MRTO4: variants seen among roughly 807,000 people sequenced by gnomAD.
The protein encoded by MRTO4 is MRT4 homolog, ribosome maturation factor.
MRTO4 carries 7 observed loss-of-function variants against 28.6 expected under a neutral mutation model. The ratio of observed to expected loss-of-function variants is 0.24; its 90% CI spans 0.14 to 0.46. The LOEUF (loss-of-function observed/expected upper bound fraction) is 0.46, where lower values mean the gene tolerates loss of function less well. Among genes scored for constraint, MRTO4 ranks in the 20% least tolerant of loss-of-function variants. The pLI is 0.99. For synonymous variants in MRTO4, 113 were observed against 108.2 expected (o/e 1.04, Z -0.27); for missense variants, 302 against 298.3 (o/e 1.01, Z -0.09).
chr1:19,257,181 A>G (rs750257716), intron 4 of MRTO4, 36 bp downstream of exon 4: 10 of 1,601,304 alleles, frequency 6.2e-6, no homozygotes, highest in Admixed American at 1.7e-5. Flanking sequence ...GAGCTAAGGC[A>G]AAGCCGCCCT....
Position 19,258,976 on chromosome 1 carries a change from C to A in MRTO4, c.*146C>A. On this transcript the variant is annotated 3_prime_UTR_variant, in exon 8 of 8. Transcript: ENST00000330263. ...CACTGACCTCCTGTAAAGAATAAAA[C>A]TGTGGGCCGGGCGCGGTGGCTCACG... 2 of 1,089,170 alleles carry A rather than the reference C, an allele frequency of 1.8e-6. No individual in the cohort carries two copies. Among genetic ancestry groups the A allele is most frequent in the Non-Finnish European group, 2.5e-6 (2 of 786,884 alleles). 67.5% of individuals were successfully genotyped at this position (1,089,170 alleles called of 1,614,324 possible). A position where few individuals can be genotyped will look rare whatever the true frequency, so the allele number is the denominator to read the frequency against.
intron 2 of MRTO4, among the ~76,000 whole-genome samples, chr1:19,255,175 A>C (rs2093669543): frequency 6.6e-6 from 1 of 152,064 alleles, no homozygotes; most frequent in Admixed American, 6.6e-5. Context: ...TGAAGCTTAC[A>C]GAGATTTGTT....
intron 4 of MRTO4, 32 bp from the exon 5 acceptor site, chr1:19,257,422 G>C (rs2093673099): frequency 6.2e-7 from 1 of 1,613,552 alleles, no homozygotes; most frequent in Admixed American, 1.7e-5. Flanking sequence ...CTGCTCTAAT[G>C]TGACCAAGCT....
At position 19,258,582 on chromosome 1, in the gene MRTO4, GGGCGGGGTTGCT is replaced by G. The variant is rs756821992; in HGVS notation, c.570+33_570+44del. Reference sequence around the variant, plus strand: ...AGTCTGGCGCCTTGCGGGCTGTTGCGGGCGGGGTTGCTGGCTTTCCTCTGCCTGCTGAAAATG... The same window carrying G: ...AGTCTGGCGCCTTGCGGGCTGTTGCGGGCTTTCCTCTGCCTGCTGAAAATG... On this transcript the variant is annotated intron_variant, in intron 7 of 7. Transcript: ENST00000330263. 55 of 1,613,828 alleles carry G rather than the reference GGGCGGGGTTGCT, an allele frequency of 3.4e-5. 1 individual carries two copies. The South Asian group carries it at 5.5e-4, about 16-fold the overall frequency.
rs767770233 is a variant in MRTO4, at chr1:19,255,911, G to T, written c.88-37G>T. On this transcript the variant is annotated intron_variant, in intron 2 of 7. Transcript: ENST00000330263. Reference sequence around the variant, plus strand: ...GCCAGAGTAGTGCCCGTTGTATGCTGCTGCTTGAACTCAGAGCCTCGTGAA... The same window carrying T: ...GCCAGAGTAGTGCCCGTTGTATGCTTCTGCTTGAACTCAGAGCCTCGTGAA... 6 of 1,567,240 alleles carry T rather than the reference G, an allele frequency of 3.8e-6. No individual in the cohort carries two copies. In the South Asian group the frequency reaches 6.7e-5, roughly 17 times the overall value.
intron 1 of MRTO4, among the ~76,000 whole-genome samples, chr1:19,253,018 A>C (rs996354939): frequency 3.3e-5 from 5 of 152,172 alleles, no homozygotes; most frequent in Admixed American, 2.6e-4. Flanking sequence ...TGGAATATTC[A>C]AAAATATTTA....
At chr1:19,255,590 C>T (rs1224325909) in intron 2 of MRTO4, among the ~76,000 whole-genome samples, 1 of 152,198 alleles carries the variant, frequency 6.6e-6, no homozygotes, top group Non-Finnish European at 1.5e-5. Flanking sequence ...CAGAGCAGTA[C>T]CGATCAGCTG....
chr1:19,257,699 G>A, intron 5 of MRTO4, 134 bp from the exon 6 acceptor site: 1 of 1,378,680 alleles, frequency 7.3e-7, no homozygotes. Context: ...TGGTGCTCTG[G>A]GCTGGCTGCT....
At chr1:19,254,945 G>GA in intron 2 of MRTO4, 105 bp downstream of exon 2, 1 of 959,494 alleles carries the variant, frequency 1.0e-6, no homozygotes, top group Non-Finnish European at 1.5e-6. Context: ...ACATACTAGT[G>GA]GGGAAAAAAA....
Position 19,257,515 on chromosome 1 carries a change from T to C in MRTO4, c.335T>C (p.Val112Ala), listed in dbSNP as rs1344707001. ...TTCACCAACCGCACAAAGGAGGAGGTGAATGAGTAAGTACTGCTGAGGAAC... is the reference window on the plus strand; with the variant it reads ...TTCACCAACCGCACAAAGGAGGAGGCGAATGAGTAAGTACTGCTGAGGAAC... ...LLFTNRTKEE[V>A]NEWFTKYTEM... The change falls in exon 5 of 8, where the codon GTG becomes GCG. Residue 112 changes from valine (V) to alanine (A), a missense_variant. Transcript: ENST00000330263. 6.2e-7 allele frequency: 1 copy of C among 1,613,820 alleles called. No individual in the cohort carries two copies. Among genetic ancestry groups the C allele is most frequent in the South Asian group, 1.1e-5 (1 of 91,062 alleles).
Position 19,258,545 on chromosome 1 carries a change from C to T in MRTO4, c.562C>T (p.Arg188Cys), listed in dbSNP as rs756461838. The stretch of plus-strand genomic sequence containing the variant: ...CGATGTGCTGACCCCAGAGCAGGCT[C>T]GCGTCCTGGTGAGTCTGGCGCCTTG... ...EGDVLTPEQA[R>C]VLKLFGYEMA... is the part of the protein sequence containing the mutation. The change falls in exon 7 of 8, where the codon CGC becomes TGC. Residue 188 changes from arginine (R) to cysteine (C), a missense_variant. Transcript: ENST00000330263. The T allele has an allele frequency of 1.1e-5, 18 of 1,613,978 alleles. No individual in the cohort carries two copies. Among genetic ancestry groups the T allele is most frequent in the South Asian group, 5.5e-5 (5 of 91,088 alleles).
chr1:19,253,705 TG>T (rs1382216641), intron 1 of MRTO4, among the ~76,000 whole-genome samples: 1 of 152,222 alleles, frequency 6.6e-6, no homozygotes, highest in African/African-American at 2.4e-5. Flanking sequence ...CATTGACTGA[TG>T]TCATTGTCTT....
At position 19,259,923 on chromosome 1, in the gene MRTO4, TTTTTC is replaced by T. The variant is rs2093678042; in HGVS notation, c.*1095_*1099del. On this transcript the variant is annotated 3_prime_UTR_variant, in exon 8 of 8. Transcript: ENST00000330263. The stretch of plus-strand genomic sequence containing the variant: ...TCTATTTGCTTTTGTTTGTTTTTGA[TTTTTC>T]TGTTTTAAAATTTTAAGGAGAGATG... 1 of 152,224 alleles carries T rather than the reference TTTTTC, an allele frequency of 6.6e-6. No homozygotes were observed. Among genetic ancestry groups the T allele is most frequent in the African/African-American group, 2.4e-5 (1 of 41,444 alleles). 9.4% of individuals were successfully genotyped at this position (152,224 alleles called of 1,614,324 possible).
chr1:19,253,446 G>C (rs1402860652), intron 1 of MRTO4, among the ~76,000 whole-genome samples: 3 of 152,204 alleles, frequency 2.0e-5, no homozygotes, highest in African/African-American at 7.2e-5. Context: ...GCCTTGGCAA[G>C]GCATTGGCTT....
chr1:19,251,954 A>T, intron 1 of MRTO4, 91 bp downstream of exon 1: 1 of 1,499,620 alleles, frequency 6.7e-7, no homozygotes, highest in Middle Eastern at 1.8e-4. Flanking sequence ...GGGGGCGCAG[A>T]TTGGAACGCC....
chr1:19,258,669 T>C lies in MRTO4; in HGVS notation c.571-12T>C, dbSNP rs1291131064. On this transcript the variant is annotated splice_polypyrimidine_tract_variant and intron_variant, in intron 7 of 7. Coordinates refer to ENST00000330263, the MANE Select transcript of MRTO4 (RefSeq NM_016183.4). ...ATTCCTCCTGATTCTTTGTTCCCTT[T>C]GTCTCTTGCAGAAGCTTTTTGGGTA... The C allele has an allele frequency of 6.2e-7, 1 of 1,614,150 alleles. No individual in the cohort carries two copies. Among genetic ancestry groups the C allele is most frequent in the South Asian group, 1.1e-5 (1 of 91,086 alleles).
At chr1:19,253,854 A>AT (rs2093667501) in intron 1 of MRTO4, among the ~76,000 whole-genome samples, 1 of 152,160 alleles carries the variant, frequency 6.6e-6, no homozygotes, top group South Asian at 2.1e-4. Flanking sequence ...GATTCTGTGG[A>AT]GGGGCCTGGG....
chr1:19,257,337 G>A, intron 4 of MRTO4, 117 bp from the exon 5 acceptor site: 1 of 1,315,982 alleles, frequency 7.6e-7, no homozygotes, highest in Non-Finnish European at 1.1e-6. Flanking sequence ...ACTCCTTCCT[G>A]CTATGACAAC....
Position 19,258,959 on chromosome 1 carries a change from T to A in MRTO4, c.*129T>A. ...ACAGGGAACATGATGGGCACTGACCTCCTGTAAAGAATAAAACTGTGGGCC... is the reference window on the plus strand; with the variant it reads ...ACAGGGAACATGATGGGCACTGACCACCTGTAAAGAATAAAACTGTGGGCC... On this transcript the variant is annotated 3_prime_UTR_variant, in exon 8 of 8. Coordinates refer to ENST00000330263, the MANE Select transcript of MRTO4 (RefSeq NM_016183.4). 8.5e-7 allele frequency: 1 copy of A among 1,172,406 alleles called. No homozygotes were observed. The highest frequency in any genetic ancestry group is 1.6e-5 in the African/African-American group (1 of 64,136). The allele number at this position is 1,172,406 out of a possible 1,614,324, so 72.6% of individuals were successfully genotyped here. A position where few individuals can be genotyped will look rare whatever the true frequency, so the allele number is the denominator to read the frequency against.
Sources: allele counts gnomAD v4.1 joint callset (sites outside exome capture counted in the v4.1 genomes callset), GRCh38; gene constraint gnomAD v4.1.1; transcripts MANE v1.5; gene names NCBI Gene and HGNC (gene_info 2026-07-23, HGNC 2026-07-21).